BCL2L13: variants seen among roughly 807,000 people sequenced by gnomAD.
BCL2L13 encodes BCL2 like 13, also known as bcl-2-like protein 13.
BCL2L13 carries 13 observed loss-of-function variants against 25.8 expected under a neutral mutation model. The ratio of observed to expected loss-of-function variants is 0.50; its 90% CI spans 0.33 to 0.80. The LOEUF (loss-of-function observed/expected upper bound fraction) is 0.80. Among genes scored for constraint, BCL2L13 ranks in the 30% least tolerant of loss-of-function variants. The pLI, the probability that BCL2L13 is intolerant of heterozygous loss-of-function variation, is 0.02. For synonymous variants in BCL2L13, 244 were observed against 230.3 expected, an observed-to-expected ratio of 1.06 and a Z score of -0.54; for missense variants, 504 against 574.9, an observed-to-expected ratio of 0.88 and a Z score of 1.26.
chr22:17,684,523 A>G (rs1407334007), intron 3 of BCL2L13: 1 of 451,100 alleles, frequency 2.2e-6, no homozygotes, highest in Non-Finnish European at 4.4e-6. Context: ...TGATTTGCCT[A>G]TTCTGGAAAT....
intron 2 of BCL2L13, among the ~76,000 whole-genome samples, chr22:17,674,121 G>A (rs2059501346): frequency 6.6e-6 from 1 of 152,122 alleles, no homozygotes. Flanking sequence ...TAAACTTTGT[G>A]ACACAGACTA....
At chr22:17,691,354 CTT>C (rs924207919) in intron 4 of BCL2L13, among the ~76,000 whole-genome samples, 21 of 79,148 alleles carry the variant, frequency 2.7e-4, no homozygotes, top group Admixed American at 1.1e-3. Flanking sequence ...TTAAAATAAT[CTT>C]TTTGTCCTGG....
chr22:17,677,174 AAAT>A lies in BCL2L13; in HGVS notation c.122-6037_122-6035del, dbSNP rs1181302924. On this transcript the variant is annotated intron_variant, in intron 2 of 6. Transcript: ENST00000317582. The stretch of plus-strand genomic sequence containing the variant: ...ATTCTCAAAAAATAAAAAAATAAAA[AAAT>A]AAAAGGATTTGAATTTTATTTTGGT... Among the ~76,000 whole-genome samples the A allele has an allele frequency of 2.0e-5, 3 of 150,298 alleles. No homozygotes were observed. In the South Asian group the frequency reaches 6.2e-4, roughly 31 times the overall value.
chr22:17,654,657 C>T (rs914434980), intron 1 of BCL2L13, among the ~76,000 whole-genome samples: 1 of 150,696 alleles, frequency 6.6e-6, no homozygotes, highest in Non-Finnish European at 1.5e-5. Context: ...ATCTCCTGAC[C>T]TCGTGATCCG....
intron 4 of BCL2L13, among the ~76,000 whole-genome samples, chr22:17,693,545 A>G (rs918172689): frequency 7.2e-5 from 11 of 151,740 alleles, no homozygotes; most frequent in African/African-American, 2.7e-4. Context: ...ACGCGCAGCT[A>G]ATTTTTGTAT....
chr22:17,686,756 G>A (rs148278086), intron 3 of BCL2L13, among the ~76,000 whole-genome samples: 2,391 of 151,998 alleles, frequency 0.016, 67 homozygotes, highest in African/African-American at 0.053. Context: ...TGATCTACCC[G>A]CCTCGGCCTC....
At chr22:17,634,469 G>A (rs2058074762), upstream of BCL2L13, among the ~76,000 whole-genome samples, 1 of 152,226 alleles carries the variant, frequency 6.6e-6, no homozygotes, top group African/African-American at 2.4e-5. Context: ...ACAGGCGTGA[G>A]CCATCGCACC....
chr22:17,680,621 G>A (rs1041383090), intron 2 of BCL2L13, among the ~76,000 whole-genome samples: 8 of 151,686 alleles, frequency 5.3e-5, no homozygotes, highest in African/African-American at 1.9e-4. Context: ...GGCTCTCCGA[G>A]GGGAGTGCAT....
chr22:17,644,648 A>G (rs1208628935), intron 1 of BCL2L13, among the ~76,000 whole-genome samples: 1 of 151,216 alleles, frequency 6.6e-6, no homozygotes, highest in Non-Finnish European at 1.5e-5. Flanking sequence ...TAATCTTATA[A>G]TATTTTAGTG....
intron 3 of BCL2L13, among the ~76,000 whole-genome samples, chr22:17,686,836 A>G (rs1283708800): frequency 2.0e-5 from 3 of 152,202 alleles, no homozygotes; most frequent in African/African-American, 7.2e-5. Flanking sequence ...ACATTTTGAA[A>G]TGATTAAATT....
intron 1 of BCL2L13, among the ~76,000 whole-genome samples, chr22:17,643,547 C>T (rs912332538): frequency 6.6e-6 from 1 of 152,146 alleles, no homozygotes; most frequent in African/African-American, 2.4e-5. Context: ...CTGTTCAAGC[C>T]ACCAGTGAGT....
chr22:17,636,710 C>T (rs9605356), upstream of BCL2L13, among the ~76,000 whole-genome samples: 19,350 of 151,952 alleles, frequency 0.13, 1,289 homozygotes, highest in Middle Eastern at 0.22. Flanking sequence ...GCAGGAGAAT[C>T]GCTTGAACCC....
chr22:17,630,045 C>A (rs2057973568), intron 1 of BCL2L13, among the ~76,000 whole-genome samples: 1 of 151,740 alleles, frequency 6.6e-6, no homozygotes, highest in South Asian at 2.1e-4. Flanking sequence ...ATGGAGAAAC[C>A]CCAGTCTCTA....
rs1195234902 is a variant in BCL2L13 at position 17,727,495 on chromosome 22, A to G, written c.1419A>G (p.Ala473=). The G allele has an allele frequency of 1.9e-6, 3 of 1,614,270 alleles. No individual in the cohort carries two copies. The highest frequency in any genetic ancestry group is 4.5e-5 in the East Asian group (2 of 44,886). Residue 473 remains alanine, a synonymous_variant, in exon 7 of 7, where the codon GCA becomes GCG. Coordinates refer to ENST00000317582, the MANE Select transcript of BCL2L13 (RefSeq NM_015367.4). ...FGGAAAVAIL[A]VAIGVALALR... ...GGGCTGCTGCTGTTGCCATCCTGGC[A>G]GTGGCCATCGGGGTAGCCCTGGCTC...
In BCL2L13 at chr22:17,730,397, C is replaced by T. The variant is rs930453748; in HGVS notation, c.*2863C>T. ...CCAGGGATACCAGATGCAGCCACTA[C>T]CTAACTAGGCTTGTCCTGGGGGAGT... On this transcript the variant is annotated 3_prime_UTR_variant, in exon 7 of 7. Coordinates refer to ENST00000317582, the MANE Select transcript of BCL2L13 (RefSeq NM_015367.4). 1.3e-5 allele frequency: 2 copies of T among 152,196 alleles called. No homozygotes were observed. The highest frequency in any genetic ancestry group is 4.8e-5 in the African/African-American group (2 of 41,444). 9.4% of individuals were successfully genotyped at this position (152,196 alleles called of 1,614,324 possible).
intron 3 of BCL2L13, among the ~76,000 whole-genome samples, chr22:17,683,567 C>T (rs560457580): frequency 6.6e-6 from 1 of 152,030 alleles, no homozygotes; most frequent in Non-Finnish European, 1.5e-5. Context: ...TGTTAAGTAT[C>T]GGATAAATGA....
chr22:17,696,382 G>A (rs140397657), intron 5 of BCL2L13, among the ~76,000 whole-genome samples, 172 bp downstream of exon 5: 1 of 152,282 alleles, frequency 6.6e-6, no homozygotes, highest in African/African-American at 2.4e-5. Flanking sequence ...ATGCTGCAAG[G>A]TCCTGCTTGG....
chr22:17,693,926 T>C (rs1261956774), intron 4 of BCL2L13, among the ~76,000 whole-genome samples: 2 of 151,792 alleles, frequency 1.3e-5, no homozygotes, highest in African/African-American at 2.4e-5. Context: ...TTTTTTCTAA[T>C]TTTTGTATTT....
chr22:17,642,314 A>G (rs1314702063), intron 1 of BCL2L13, among the ~76,000 whole-genome samples: 1 of 151,654 alleles, frequency 6.6e-6, no homozygotes, highest in Non-Finnish European at 1.5e-5. Flanking sequence ...GCGTGCCACC[A>G]CACCCAGCTA....
Sources: allele counts gnomAD v4.1 joint callset (sites outside exome capture counted in the v4.1 genomes callset), GRCh38; gene constraint gnomAD v4.1.1; transcripts MANE v1.5; gene names NCBI Gene and HGNC (gene_info 2026-07-23, HGNC 2026-07-21).